RPS6KA2: variants seen among roughly 807,000 people sequenced by gnomAD.
RPS6KA2 encodes ribosomal protein S6 kinase A2, also known as ribosomal protein S6 kinase alpha-2.
A neutral mutation model predicts 91.8 loss-of-function variants in RPS6KA2; 42 were observed. That is an observed-to-expected ratio of 0.46 (90% CI 0.36 to 0.59). The LOEUF is 0.59. Ranked by LOEUF, RPS6KA2 falls within the 20% of genes least tolerant of loss-of-function variation. The pLI is 0.00. For missense variants in RPS6KA2, 798 were observed against 978.5 expected, an observed-to-expected ratio of 0.82 and a Z score of 2.46; for synonymous variants, 414 against 393.6, an observed-to-expected ratio of 1.05 and a Z score of -0.61.
intron 3 of RPS6KA2, among the ~76,000 whole-genome samples, chr6:166,525,003 G>A (rs1404278231): frequency 6.6e-6 from 1 of 152,168 alleles, no homozygotes; most frequent in East Asian, 1.9e-4. Context: ...AGGGGTCCGA[G>A]GCATCAGCAT....
chr6:166,634,928 G>GT (rs1787186423), intron 2 of RPS6KA2, among the ~76,000 whole-genome samples: 1 of 151,794 alleles, frequency 6.6e-6, no homozygotes, highest in African/African-American at 2.4e-5. Flanking sequence ...TTTAGTGTTT[G>GT]GTATAGTTTC....
intron 1 of RPS6KA2, among the ~76,000 whole-genome samples, chr6:166,583,194 C>A (rs1410778387): frequency 6.6e-6 from 1 of 152,210 alleles, no homozygotes; most frequent in Non-Finnish European, 1.5e-5. Context: ...CAAATTGCTA[C>A]TTGTGAGCTA....
At chr6:166,715,626 GC>G (rs2128582078) in intron 2 of RPS6KA2, among the ~76,000 whole-genome samples, 1 of 152,270 alleles carries the variant, frequency 6.6e-6, no homozygotes, top group East Asian at 1.9e-4. Flanking sequence ...ATGACAGAGT[GC>G]CCTGGCACAC....
chr6:166,655,098 C>T (rs1787966953), intron 2 of RPS6KA2, among the ~76,000 whole-genome samples: 1 of 152,192 alleles, frequency 6.6e-6, no homozygotes, highest in Admixed American at 6.5e-5. Flanking sequence ...CTATTTCACC[C>T]AACTCTTTTC....
chr6:166,619,732 T>G (rs1480454684), intron 1 of RPS6KA2, among the ~76,000 whole-genome samples: 1 of 152,252 alleles, frequency 6.6e-6, no homozygotes, highest in African/African-American at 2.4e-5. Flanking sequence ...ACAAGAGGCT[T>G]CCTTGGTTTT....
At chr6:166,751,130 C>G (rs1791270020) in intron 2 of RPS6KA2, among the ~76,000 whole-genome samples, 1 of 152,190 alleles carries the variant, frequency 6.6e-6, no homozygotes, top group Non-Finnish European at 1.5e-5. Flanking sequence ...GGTGAAATAG[C>G]GGAGCAGTAA....
At chr6:166,822,722 C>G (rs1779933768) in intron 2 of RPS6KA2, among the ~76,000 whole-genome samples, 1 of 152,170 alleles carries the variant, frequency 6.6e-6, no homozygotes, top group African/African-American at 2.4e-5. Flanking sequence ...GATTTGTCTG[C>G]CCTGTTCAGG....
intron 2 of RPS6KA2, among the ~76,000 whole-genome samples, chr6:166,816,548 C>T (rs1018899183): frequency 1.3e-5 from 2 of 150,298 alleles, no homozygotes; most frequent in African/African-American, 4.9e-5. Context: ...GAGCAAGACT[C>T]CATCTCAAAA....
chr6:166,472,263 C>T (rs1322868526), intron 10 of RPS6KA2, among the ~76,000 whole-genome samples: 3 of 152,188 alleles, frequency 2.0e-5, no homozygotes, highest in African/African-American at 7.2e-5. Context: ...GGATCTATTT[C>T]ACATTTTGTA....
Position 166,679,743 on chromosome 6 carries a change from G to T in RPS6KA2, c.124-140959C>A, listed in dbSNP as rs117736398. Among the ~76,000 whole-genome samples the T allele has an allele frequency of 6.7e-3, 1,028 of 152,330 alleles. 20 individuals carry two copies. In the South Asian group the frequency reaches 0.073, roughly 11 times the overall value. Reference sequence around the variant, plus strand: ...GAGGCCGGAGCCGGCTCTCTCTGCTGGTGGGGAGGTGTGGAGGGAGCGGCG... The same window carrying T: ...GAGGCCGGAGCCGGCTCTCTCTGCTTGTGGGGAGGTGTGGAGGGAGCGGCG... On this transcript the variant is annotated intron_variant, in intron 2 of 21. Coordinates refer to the RPS6KA2 transcript ENST00000503859.
At chr6:166,530,028 T>C (rs1297995425) in intron 3 of RPS6KA2, among the ~76,000 whole-genome samples, 3 of 152,238 alleles carry the variant, frequency 2.0e-5, no homozygotes, top group African/African-American at 7.2e-5. Context: ...TATGCATTTT[T>C]TGTCCTTCTT....
At chr6:166,646,545 A>G (rs537680909) in intron 2 of RPS6KA2, among the ~76,000 whole-genome samples, 11 of 152,358 alleles carry the variant, frequency 7.2e-5, no homozygotes, top group African/African-American at 2.6e-4. Flanking sequence ...CCCCGCCAGG[A>G]AGACCTGGTC....
chr6:166,806,103 T>C (rs1463922303), intron 2 of RPS6KA2, among the ~76,000 whole-genome samples: 1 of 152,118 alleles, frequency 6.6e-6, no homozygotes, highest in Non-Finnish European at 1.5e-5. Context: ...GAAGAAAAAT[T>C]GAACAGAGTC....
intron 2 of RPS6KA2, among the ~76,000 whole-genome samples, chr6:166,716,539 T>C (rs1047155009): frequency 2.0e-5 from 3 of 152,210 alleles, no homozygotes; most frequent in Non-Finnish European, 4.4e-5. Flanking sequence ...CGTATTATAC[T>C]CTTATGGGAC....
At chr6:166,795,759 G>A (rs927752610) in intron 2 of RPS6KA2, among the ~76,000 whole-genome samples, 7 of 152,196 alleles carry the variant, frequency 4.6e-5, no homozygotes, top group East Asian at 3.9e-4. Flanking sequence ...TGTGGGCACC[G>A]TGGTGGGATG....
intron 13 of RPS6KA2, among the ~76,000 whole-genome samples, chr6:166,449,851 G>T (rs1779808453): frequency 1.3e-5 from 1 of 77,810 alleles, no homozygotes; most frequent in African/African-American, 3.8e-5. Context: ...ACAACCACGA[G>T]GACCACCATG....
At chr6:166,674,788 C>T (rs995697588) in intron 2 of RPS6KA2, among the ~76,000 whole-genome samples, 2 of 152,134 alleles carry the variant, frequency 1.3e-5, no homozygotes, top group Non-Finnish European at 2.9e-5. Flanking sequence ...CCTGCCTCAG[C>T]CTCTCAAGTA....
chr6:166,450,301 A>C (rs1044657556), intron 13 of RPS6KA2, among the ~76,000 whole-genome samples: 2 of 149,384 alleles, frequency 1.3e-5, no homozygotes, highest in Admixed American at 6.6e-5. Flanking sequence ...CACCACGGGG[A>C]CCACCATAGG....
At chr6:166,658,810 CTCCGTGT>C (rs1439075376) in intron 2 of RPS6KA2, among the ~76,000 whole-genome samples, 2 of 152,180 alleles carry the variant, frequency 1.3e-5, no homozygotes, top group East Asian at 3.8e-4. Flanking sequence ...GCCCTAAACC[CTCCGTGT>C]TCCTCAACGG....
Sources: gnomAD v4.1 joint callset for allele counts (sites outside exome capture counted in the v4.1 genomes callset) on GRCh38, gnomAD v4.1.1 for gene constraint, MANE v1.5 for transcripts, NCBI Gene and HGNC (gene_info 2026-07-23, HGNC 2026-07-21) for gene names.